NPHP4: variants seen among roughly 807,000 people sequenced by gnomAD.
NPHP4 encodes the protein nephrocystin 4.
A neutral mutation model predicts 155.8 loss-of-function variants in NPHP4; 151 were observed. The ratio of observed to expected loss-of-function variants is 0.97; its 90% CI spans 0.85 to 1.11. The LOEUF (loss-of-function observed/expected upper bound fraction) is 1.11, where lower values mean the gene tolerates loss of function less well. NPHP4 is among the 50% of genes least tolerant of loss of function. The probability of loss-of-function intolerance (pLI) is 0.00; values close to 1 mark genes in which losing one functional copy is unlikely to be tolerated. For missense variants in NPHP4, 1,956 were observed against 1,925.7 expected (o/e 1.02, Z -0.29); for synonymous variants, 845 against 816.8 (o/e 1.03, Z -0.59).
chr1:5,964,929 A>AT (rs1557850444), intron 5 of NPHP4, among the ~76,000 whole-genome samples: 6 of 25,340 alleles, frequency 2.4e-4, no homozygotes, highest in African/African-American at 1.5e-3. Context: ...ATATATATAT[A>AT]TATATATATA....
chr1:5,971,427 T>C (rs547050458), intron 3 of NPHP4, among the ~76,000 whole-genome samples: 1 of 152,346 alleles, frequency 6.6e-6, no homozygotes, highest in East Asian at 1.9e-4. Context: ...ACATATGTTC[T>C]TTTCCAAAAA....
At chr1:5,921,175 T>G (rs1190449363) in intron 11 of NPHP4, among the ~76,000 whole-genome samples, 1 of 152,256 alleles carries the variant, frequency 6.6e-6, no homozygotes, top group Non-Finnish European at 1.5e-5. Context: ...AACATGCCTT[T>G]GTGAAGGTTT....
chr1:5,879,834 A>C (rs1039061327), intron 19 of NPHP4, among the ~76,000 whole-genome samples: 2 of 97,600 alleles, frequency 2.0e-5, no homozygotes, highest in Non-Finnish European at 4.4e-5. Context: ...CACACACGCA[A>C]ACACACACAG....
intron 9 of NPHP4, among the ~76,000 whole-genome samples, chr1:5,939,828 T>C (rs1045341450): frequency 1.3e-5 from 2 of 152,248 alleles, no homozygotes; most frequent in Non-Finnish European, 2.9e-5. Context: ...TTTAAGGAAC[T>C]TGGGAGCAAG....
chr1:5,938,479 C>T (rs1442523228), intron 9 of NPHP4, among the ~76,000 whole-genome samples: 7 of 152,262 alleles, frequency 4.6e-5, no homozygotes, highest in African/African-American at 7.2e-5. Flanking sequence ...GTCCTCAAAT[C>T]GGATCCAGTA....
chr1:5,909,149 T>G lies in NPHP4; in HGVS notation c.1503+3A>C, dbSNP rs1184570247. On this transcript the variant is annotated splice_donor_region_variant and intron_variant, in intron 12 of 29. Coordinates refer to ENST00000378156, the MANE Select transcript of NPHP4 (RefSeq NM_015102.5). ...AAGGAGGCCGTGGGGGGCCTGGACT[T>G]ACCCCTGGTCCCACAGGTGAGTTCT... is the stretch of plus-strand genomic sequence containing the variant. The G allele has an allele frequency of 1.9e-6, 3 of 1,595,300 alleles. No homozygotes were observed. Among genetic ancestry groups the G allele is most frequent in the Non-Finnish European group, 2.6e-6 (3 of 1,170,720 alleles).
At chr1:5,907,960 C>G (rs573530975) in intron 12 of NPHP4, among the ~76,000 whole-genome samples, 3 of 152,362 alleles carry the variant, frequency 2.0e-5, no homozygotes, top group Admixed American at 6.5e-5. Context: ...TGGGGGCCCA[C>G]GCACTACTGA....
In NPHP4 at chr1:5,889,448, G is replaced by A. The variant is rs1161415066; in HGVS notation, c.2304+1420C>T. Among the ~76,000 whole-genome samples, 3 of 152,224 alleles carry A rather than the reference G, an allele frequency of 2.0e-5. No individual in the cohort carries two copies. Among genetic ancestry groups the A allele is most frequent in the East Asian group, 1.9e-4 (1 of 5,196 alleles). ...TTTATTCAAGTCTATGTCAACAAGC[G>A]TAACGGCACTTGTTTAAGGGGCTCT... On this transcript the variant is annotated intron_variant, in intron 17 of 29. Transcript: ENST00000378156. This position sits in a 1 kb window ranked among gnomAD's most constrained non-coding sequence, Gnocchi z 4.2.
chr1:5,911,703 AGACCC>A (rs1292464090), intron 11 of NPHP4, among the ~76,000 whole-genome samples: 1 of 151,526 alleles, frequency 6.6e-6, no homozygotes, highest in Non-Finnish European at 1.5e-5. Context: ...TGGGAAGCCC[AGACCC>A]CCAGGGCCCA....
chr1:5,981,566 G>T (rs1450443514), intron 2 of NPHP4, among the ~76,000 whole-genome samples: 4 of 152,268 alleles, frequency 2.6e-5, no homozygotes, highest in African/African-American at 9.6e-5. Flanking sequence ...ATATTCTTCA[G>T]CCAACACCTT....
chr1:5,920,632 C>T lies in NPHP4; in HGVS notation c.1441+7017G>A, dbSNP rs1393868276. 2.0e-5 allele frequency among the ~76,000 whole-genome samples: 3 copies of T among 152,338 alleles called. No homozygotes were observed. In the East Asian group the frequency reaches 5.8e-4, roughly 29 times the overall value. Reference sequence around the variant, plus strand: ...CTGGACATATCTTTACTCATTTCATCCTCCCCCCAATCCTTGGCTATCCTT... The same window carrying T: ...CTGGACATATCTTTACTCATTTCATTCTCCCCCCAATCCTTGGCTATCCTT... On this transcript the variant is annotated intron_variant, in intron 11 of 29. Transcript: ENST00000378156.
intron 3 of NPHP4, among the ~76,000 whole-genome samples, chr1:5,972,507 TACA>T (rs1237077783): frequency 1.3e-5 from 2 of 152,330 alleles, no homozygotes; most frequent in African/African-American, 4.8e-5. Flanking sequence ...GAAAGGATAA[TACA>T]ACATCTTATC....
intron 3 of NPHP4, among the ~76,000 whole-genome samples, chr1:5,976,684 C>G (rs1440143305): frequency 6.6e-6 from 1 of 152,210 alleles, no homozygotes; most frequent in Admixed American, 6.5e-5. Flanking sequence ...CCTTAGCTGT[C>G]CAGACATACA....
intron 11 of NPHP4, among the ~76,000 whole-genome samples, chr1:5,911,440 G>A (rs1334878740): frequency 6.6e-6 from 1 of 152,198 alleles, no homozygotes. Context: ...GCACTCGGGG[G>A]CCAGCCCTCC....
At chr1:5,903,090 G>A (rs532633148) in intron 16 of NPHP4, among the ~76,000 whole-genome samples, 2 of 152,308 alleles carry the variant, frequency 1.3e-5, no homozygotes, top group South Asian at 4.1e-4. Flanking sequence ...TAAACGGGAT[G>A]TACAGGTTTT....
At chr1:5,880,384 T>C (rs1239758447) in intron 18 of NPHP4, 145 bp from the exon 19 acceptor site, 2 of 768,110 alleles carry the variant, frequency 2.6e-6, no homozygotes, top group Non-Finnish European at 4.2e-6. Flanking sequence ...CTGTTTTGAA[T>C]GTTTTGCAAT....
chr1:5,873,347 G>C lies in NPHP4; in HGVS notation c.3232-12C>G. The stretch of plus-strand genomic sequence containing the variant: ...AACCCAGGAGAGGCCTGCAGGAACC[G>C]AACAGCACAAGCAGGTCAGGAAGCA... On this transcript the variant is annotated splice_polypyrimidine_tract_variant and intron_variant, in intron 22 of 29. Transcript: ENST00000378156. 7.4e-6 allele frequency: 12 copies of C among 1,611,426 alleles called. No individual in the cohort carries two copies. The highest frequency in any genetic ancestry group is 1.0e-5 in the Non-Finnish European group (12 of 1,177,616).
intron 16 of NPHP4, among the ~76,000 whole-genome samples, chr1:5,895,713 AT>A (rs1361411585): frequency 7.9e-5 from 12 of 152,208 alleles, no homozygotes; most frequent in African/African-American, 2.9e-4. Flanking sequence ...TGATTCCATT[AT>A]CCCCTTTCCA....
At chr1:5,975,256 C>G (rs1653336393) in intron 3 of NPHP4, among the ~76,000 whole-genome samples, 1 of 152,206 alleles carries the variant, frequency 6.6e-6, no homozygotes, top group African/African-American at 2.4e-5. Flanking sequence ...AAAACCTTTG[C>G]TCTGTATGAG....
Sources: allele counts gnomAD v4.1 joint callset (sites outside exome capture counted in the v4.1 genomes callset), GRCh38; gene constraint gnomAD v4.1.1; non-coding constraint Gnocchi (gnomAD v3.1); transcripts MANE v1.5; gene names NCBI Gene and HGNC (gene_info 2026-07-23, HGNC 2026-07-21).